The following KCNK1 variants were observed in gnomAD, a reference collection of about 807,000 sequenced individuals.
The protein encoded by KCNK1 is potassium two pore domain channel subfamily K member 1, also known as potassium channel subfamily K member 1.
Under a neutral mutation model 22.2 loss-of-function variants are expected in KCNK1, and 10 were observed. That is an observed-to-expected ratio of 0.45 (90% CI 0.28 to 0.76). The LOEUF (loss-of-function observed/expected upper bound fraction) is 0.76, where lower values mean the gene tolerates loss of function less well. KCNK1 is among the 30% of genes least tolerant of loss of function. The pLI is 0.14. For missense variants in KCNK1, 378 were observed against 421.0 expected, an observed-to-expected ratio of 0.90 and a Z score of 0.89; for synonymous variants, 200 against 186.4, an observed-to-expected ratio of 1.07 and a Z score of -0.60.
At chr1:233,632,913 CAT>C (rs1019626487) in intron 1 of KCNK1, among the ~76,000 whole-genome samples, 1 of 152,058 alleles carries the variant, frequency 6.6e-6, no homozygotes, top group African/African-American at 2.4e-5. Flanking sequence ...CATGTAAAGA[CAT>C]TCGGAAGGAG....
intron 1 of KCNK1, among the ~76,000 whole-genome samples, chr1:233,653,582 G>T (rs1053184158): frequency 7.2e-5 from 11 of 152,104 alleles, no homozygotes; most frequent in Non-Finnish European, 1.3e-4. Flanking sequence ...TTCATGAAGG[G>T]CCTGAATAGA....
intron 1 of KCNK1, among the ~76,000 whole-genome samples, chr1:233,623,558 T>C (rs978303849): frequency 2.0e-5 from 3 of 152,220 alleles, no homozygotes; most frequent in Non-Finnish European, 4.4e-5. Context: ...GTAAAATTAT[T>C]ACGTGTCAGT....
At chr1:233,620,840 A>T (rs1417321272) in intron 1 of KCNK1, among the ~76,000 whole-genome samples, 1 of 152,018 alleles carries the variant, frequency 6.6e-6, no homozygotes, top group Non-Finnish European at 1.5e-5. Flanking sequence ...AAAAAATTCC[A>T]AACTAAAATT....
intron 1 of KCNK1, among the ~76,000 whole-genome samples, chr1:233,651,036 C>T (rs10495338): frequency 0.029 from 4,475 of 152,264 alleles, 222 homozygotes; most frequent in African/African-American, 0.1. Context: ...ACTTTGCTTT[C>T]TAGTCTCAGT....
intron 1 of KCNK1, among the ~76,000 whole-genome samples, chr1:233,657,834 A>G (rs1235059729): frequency 1.3e-5 from 2 of 151,774 alleles, no homozygotes; most frequent in African/African-American, 4.8e-5. Flanking sequence ...TTTTTTTATC[A>G]CTTTGACAAA....
At chr1:233,632,170 C>T (rs1657809407) in intron 1 of KCNK1, among the ~76,000 whole-genome samples, 1 of 152,212 alleles carries the variant, frequency 6.6e-6, no homozygotes, top group South Asian at 2.1e-4. Context: ...GTGCTCTGTC[C>T]ACTCAGCTCA....
At chr1:233,646,416 A>G (rs1456703303) in intron 1 of KCNK1, among the ~76,000 whole-genome samples, 1 of 152,194 alleles carries the variant, frequency 6.6e-6, no homozygotes, top group Non-Finnish European at 1.5e-5. Flanking sequence ...GCATGGATCT[A>G]GACGGAATCA....
intron 1 of KCNK1, among the ~76,000 whole-genome samples, chr1:233,619,996 G>A (rs1339528348): frequency 6.6e-6 from 1 of 152,012 alleles, no homozygotes; most frequent in Non-Finnish European, 1.5e-5. Context: ...ACCTAATCTA[G>A]CCCACCACCT....
intron 1 of KCNK1, among the ~76,000 whole-genome samples, chr1:233,616,395 A>T (rs987695512): frequency 6.6e-6 from 1 of 152,214 alleles, no homozygotes; most frequent in Non-Finnish European, 1.5e-5. Flanking sequence ...ATTAGTTTAT[A>T]ATCTTGAATA....
In KCNK1 at chr1:233,671,742, G is replaced by A; in HGVS notation, c.*212G>A. 1 of 592,156 alleles carries A rather than the reference G, an allele frequency of 1.7e-6. No homozygotes were observed. Among genetic ancestry groups the A allele is most frequent in the Non-Finnish European group, 2.9e-6 (1 of 340,632 alleles). 36.7% of individuals were successfully genotyped at this position (592,156 alleles called of 1,614,324 possible). The stretch of plus-strand genomic sequence containing the variant: ...CAGGATGTCTAATATGTGAGGAAAT[G>A]AGATGTCCACCTAAAATTCATATGT... On this transcript the variant is annotated 3_prime_UTR_variant, in exon 3 of 3. Transcript: ENST00000366621.
chr1:233,652,133 C>T (rs1658211563), intron 1 of KCNK1, among the ~76,000 whole-genome samples: 1 of 152,190 alleles, frequency 6.6e-6, no homozygotes, highest in Non-Finnish European at 1.5e-5. Flanking sequence ...TGTTCTGAAG[C>T]TGTAGCCTAA....
rs1277999722 is a variant in KCNK1, at chr1:233,627,996, GT to G, written c.355+13474del. 6.6e-5 allele frequency among the ~76,000 whole-genome samples: 10 copies of G among 152,220 alleles called. 1 individual carries two copies. Among genetic ancestry groups the G allele is most frequent in the Non-Finnish European group, 1.0e-4 (7 of 68,052 alleles). On this transcript the variant is annotated intron_variant, in intron 1 of 2. Coordinates refer to ENST00000366621, the MANE Select transcript of KCNK1 (RefSeq NM_002245.4). ...TCTGTTTCGCTTCACTCAGAACTAT[GT>G]TTTGTGCGTTGACTTGTGTTAGTCA...
At chr1:233,647,741 G>A (rs1658123675) in intron 1 of KCNK1, among the ~76,000 whole-genome samples, 1 of 152,176 alleles carries the variant, frequency 6.6e-6, no homozygotes, top group African/African-American at 2.4e-5. Context: ...GTGAGCTCCT[G>A]TAGCTTTAGT....
intron 1 of KCNK1, among the ~76,000 whole-genome samples, chr1:233,647,082 G>A (rs935944799): frequency 1.3e-5 from 2 of 152,168 alleles, no homozygotes; most frequent in African/African-American, 4.8e-5. Context: ...TGACTTTATT[G>A]AAGCAGATGT....
At chr1:233,659,538 C>A (rs1218659400) in intron 1 of KCNK1, among the ~76,000 whole-genome samples, 2 of 150,584 alleles carry the variant, frequency 1.3e-5, no homozygotes, top group East Asian at 4.0e-4. Flanking sequence ...CTATATAAAC[C>A]AGTAACAGTC....
At chr1:233,618,700 A>G (rs577986160) in intron 1 of KCNK1, among the ~76,000 whole-genome samples, 12 of 152,276 alleles carry the variant, frequency 7.9e-5, no homozygotes, top group African/African-American at 2.2e-4. Flanking sequence ...CCTGGCCAAC[A>G]TGGTGAAACC....
In KCNK1 at chr1:233,666,995, G is replaced by A. The variant is rs763012135; in HGVS notation, c.751+5G>A. ...TCTATAAGATTGGGATCACGTGTGAGTATTACAGCTCCCTGGCTGCTCCTT... is the reference window on the plus strand; with the variant it reads ...TCTATAAGATTGGGATCACGTGTGAATATTACAGCTCCCTGGCTGCTCCTT... On this transcript the variant is annotated splice_donor_5th_base_variant and intron_variant, in intron 2 of 2. Coordinates refer to ENST00000366621, the MANE Select transcript of KCNK1 (RefSeq NM_002245.4). The A allele has an allele frequency of 6.3e-7, 1 of 1,585,276 alleles. No individual in the cohort carries two copies. Among genetic ancestry groups the A allele is most frequent in the Non-Finnish European group, 8.6e-7 (1 of 1,168,868 alleles).
chr1:233,617,046 C>T (rs1017810580), intron 1 of KCNK1, among the ~76,000 whole-genome samples: 5 of 147,474 alleles, frequency 3.4e-5, no homozygotes, highest in Non-Finnish European at 6.0e-5. Flanking sequence ...ACATGTTGTG[C>T]TTTTTTTTTT....
chr1:233,653,627 T>C (rs891775746), intron 1 of KCNK1, among the ~76,000 whole-genome samples: 2 of 152,152 alleles, frequency 1.3e-5, no homozygotes, highest in Non-Finnish European at 2.9e-5. Flanking sequence ...TTGTCTTTTG[T>C]TGAGTTGAGA....
Sources: gnomAD v4.1 joint callset for allele counts (sites outside exome capture counted in the v4.1 genomes callset) on GRCh38, gnomAD v4.1.1 for gene constraint, MANE v1.5 for transcripts, NCBI Gene and HGNC (gene_info 2026-07-23, HGNC 2026-07-21) for gene names.